The following ALDH1A2 variants were observed in gnomAD, a reference collection of about 807,000 sequenced individuals.
The protein encoded by ALDH1A2 is retinal dehydrogenase 2.
A neutral mutation model predicts 60.3 loss-of-function variants in ALDH1A2; 27 were observed. The observed-to-expected ratio is 0.45, with a 90% confidence interval of 0.33 to 0.62. The LOEUF (loss-of-function observed/expected upper bound fraction) is 0.62. Among genes scored for constraint, ALDH1A2 ranks in the 20% least tolerant of loss-of-function variants. The pLI is 0.02. For missense variants in ALDH1A2, 581 were observed against 643.8 expected (o/e 0.90, Z 1.06); for synonymous variants, 289 against 232.4 (o/e 1.24, Z -2.21).
In ALDH1A2 at chr15:57,978,769, G is replaced by A. The variant is rs533054508; in HGVS notation, c.799-12942C>T. Among the ~76,000 whole-genome samples, 3 of 152,294 alleles carry A rather than the reference G, an allele frequency of 2.0e-5. No individual in the cohort carries two copies. In the South Asian group the frequency reaches 6.2e-4, roughly 32 times the overall value. ...ACCTACTAAGGGGCCGGGCACGGTG[G>A]CTCACGCCTGTAATCTCAGCACTTA... On this transcript the variant is annotated intron_variant, in intron 7 of 12. Transcript: ENST00000249750.
chr15:58,053,438 C>T (rs1273386764), intron 1 of ALDH1A2, among the ~76,000 whole-genome samples: 1 of 152,158 alleles, frequency 6.6e-6, no homozygotes, highest in Non-Finnish European at 1.5e-5. Flanking sequence ...CTCACAATTA[C>T]AGACACTCAC....
At chr15:57,997,876 T>C (rs1895117599) in intron 4 of ALDH1A2, among the ~76,000 whole-genome samples, 1 of 151,992 alleles carries the variant, frequency 6.6e-6, no homozygotes, top group African/African-American at 2.4e-5. Flanking sequence ...TTCTAGTCCC[T>C]ACAGTTAGTC....
chr15:57,983,322 T>G (rs767943773), intron 7 of ALDH1A2, among the ~76,000 whole-genome samples: 1 of 152,220 alleles, frequency 6.6e-6, no homozygotes, highest in African/African-American at 2.4e-5. Context: ...AAATAACACA[T>G]TGTGAGTCCC....
chr15:58,049,801 A>C (rs1233739716), intron 1 of ALDH1A2, among the ~76,000 whole-genome samples: 1 of 152,122 alleles, frequency 6.6e-6, no homozygotes, highest in Non-Finnish European at 1.5e-5. Context: ...TGAGAGAAGA[A>C]AACTCAAGAG....
rs552192324 is a variant in ALDH1A2 at position 58,022,163 on chromosome 15, G to C, written c.118-7882C>G. 1.1e-4 allele frequency among the ~76,000 whole-genome samples: 16 copies of C among 152,192 alleles called. No individual in the cohort carries two copies. In the South Asian group the frequency reaches 3.3e-3, roughly 32 times the overall value. On this transcript the variant is annotated intron_variant, in intron 1 of 12. Coordinates refer to ENST00000249750, the MANE Select transcript of ALDH1A2 (RefSeq NM_003888.4). The stretch of plus-strand genomic sequence containing the variant: ...GCTAGTGCCTCCTCTCACCACTGTG[G>C]GGGCTGAACAAAAGCCCATCTGGCC...
intron 1 of ALDH1A2, among the ~76,000 whole-genome samples, chr15:58,065,040 T>G (rs1325593068): frequency 6.6e-6 from 1 of 152,236 alleles, no homozygotes; most frequent in East Asian, 1.9e-4. Context: ...AGCGCTGGTG[T>G]CTTGACAATT....
intron 1 of ALDH1A2, among the ~76,000 whole-genome samples, chr15:58,046,913 C>A (rs1422683022): frequency 6.6e-6 from 1 of 152,032 alleles, no homozygotes; most frequent in Non-Finnish European, 1.5e-5. Flanking sequence ...CTAAAAGTTG[C>A]TTTAAGTTGC....
At chr15:57,987,312 C>CAGAT (rs1415966786) in intron 7 of ALDH1A2, among the ~76,000 whole-genome samples, 1 of 151,802 alleles carries the variant, frequency 6.6e-6, no homozygotes, top group African/African-American at 2.4e-5. Flanking sequence ...TATAAACTCA[C>CAGAT]AGATATACAG....
Position 57,995,087 on chromosome 15 carries a change from C to G in ALDH1A2, c.546G>C (p.Gln182His), listed in dbSNP as rs1895006399. ...GAGGAAATACACTCACTGGGATGAT[C>G]TGTCCACACACTCCAATGGGTTCAT... ...TRHEPIGVCG[Q>H]IIPWNFPLLM... Residue 182 changes from glutamine to histidine, a missense_variant, in exon 5 of 13, where the codon CAG (glutamine) becomes CAC (histidine). Transcript: ENST00000249750. 1 of 1,612,332 alleles carries G rather than the reference C, an allele frequency of 6.2e-7. No individual in the cohort carries two copies. Among genetic ancestry groups the G allele is most frequent in the Non-Finnish European group, 8.5e-7 (1 of 1,178,714 alleles).
intron 1 of ALDH1A2, among the ~76,000 whole-genome samples, chr15:58,039,040 C>T (rs1778704075): frequency 6.6e-6 from 1 of 151,688 alleles, no homozygotes; most frequent in Admixed American, 6.6e-5. Context: ...GACATTCATT[C>T]CCCCACCCCT....
intron 1 of ALDH1A2, 35 bp downstream of exon 1, chr15:58,065,499 T>A (rs369904367): frequency 6.7e-5 from 103 of 1,541,556 alleles, no homozygotes; most frequent in Non-Finnish European, 8.2e-5. Context: ...TTCTAGAAAG[T>A]CTCCGTGGAC....
chr15:57,972,036 A>G (rs1382941622), intron 7 of ALDH1A2, among the ~76,000 whole-genome samples: 1 of 152,080 alleles, frequency 6.6e-6, no homozygotes, highest in Non-Finnish European at 1.5e-5. Context: ...AGCTAATGTT[A>G]TTGTTGATTG....
chr15:58,048,131 G>A (rs1377650398), intron 1 of ALDH1A2, among the ~76,000 whole-genome samples: 1 of 151,954 alleles, frequency 6.6e-6, no homozygotes, highest in Non-Finnish European at 1.5e-5. Context: ...AGAAAAGGCT[G>A]CTAACTAGAC....
chr15:57,963,753 C>G, intron 9 of ALDH1A2, 132 bp downstream of exon 9: 3 of 907,132 alleles, frequency 3.3e-6, no homozygotes, highest in Middle Eastern at 3.0e-4. Flanking sequence ...TTTCCAGCCA[C>G]GAAGACATGG....
intron 1 of ALDH1A2, chr15:58,014,554 A>G: frequency 2.0e-6 from 1 of 503,330 alleles, no homozygotes; most frequent in Non-Finnish European, 3.9e-6. Context: ...AGTGTCTCAC[A>G]TACATACAAT....
intron 7 of ALDH1A2, among the ~76,000 whole-genome samples, chr15:57,971,407 T>A (rs1351594702): frequency 2.6e-5 from 4 of 152,156 alleles, no homozygotes; most frequent in African/African-American, 9.7e-5. Flanking sequence ...CTACAATGAC[T>A]GACTTTTAAA....
intron 7 of ALDH1A2, among the ~76,000 whole-genome samples, chr15:57,981,183 TATTCTAA>T (rs2140475111): frequency 6.6e-6 from 1 of 152,268 alleles, no homozygotes; most frequent in Non-Finnish European, 1.5e-5. Context: ...TCCTGCACTG[TATTCTAA>T]ATCTAGTACA....
intron 7 of ALDH1A2, chr15:57,990,760 C>T (rs963660297): frequency 4.0e-5 from 6 of 151,692 alleles, no homozygotes; most frequent in African/African-American, 1.5e-4. Context: ...CCTATAATCC[C>T]AGCTACTTGG....
At chr15:58,057,917 C>T in intron 1 of ALDH1A2, 1 of 599,722 alleles carries the variant, frequency 1.7e-6, no homozygotes, top group Non-Finnish European at 2.4e-6. Context: ...TAAAAATGAC[C>T]CTGAGATAAT....
Sources: gnomAD v4.1 joint callset for allele counts (sites outside exome capture counted in the v4.1 genomes callset) on GRCh38, gnomAD v4.1.1 for gene constraint, MANE v1.5 for transcripts, NCBI Gene and HGNC (gene_info 2026-07-23, HGNC 2026-07-21) for gene names.